Variants in PLCZ1 observed in about 807,000 individuals in gnomAD.
PLCZ1 encodes 1-phosphatidylinositol 4,5-bisphosphate phosphodiesterase zeta-1.
In PLCZ1, 64 loss-of-function variants were observed where a neutral mutation model predicts 76.8. The ratio of observed to expected loss-of-function variants is 0.83; its 90% CI spans 0.68 to 1.03. PLCZ1 has a LOEUF of 1.03. Among genes scored for constraint, PLCZ1 ranks in the 50% least tolerant of loss-of-function variants. The pLI is 0.00. For missense variants in PLCZ1, 751 were observed against 713.7 expected, an observed-to-expected ratio of 1.05 and a Z score of -0.60; for synonymous variants, 248 against 230.8, an observed-to-expected ratio of 1.07 and a Z score of -0.68.
intron 12 of PLCZ1, chr12:18,693,168 C>G (rs1954391159): frequency 6.5e-6 from 10 of 1,548,874 alleles, no homozygotes; most frequent in Non-Finnish European, 8.9e-6. Context: ...GGGCTCAGAA[C>G]ACTACATCAG....
At chr12:18,718,059 T>C (rs557894388) in intron 5 of PLCZ1, among the ~76,000 whole-genome samples, 1 of 152,118 alleles carries the variant, frequency 6.6e-6, no homozygotes, top group Non-Finnish European at 1.5e-5. Flanking sequence ...GGGGGTGCTT[T>C]GGGAGTGAGG....
chr12:18,669,563 T>C, the PLCZ1 span, among the ~76,000 whole-genome samples: 2 of 152,174 alleles, frequency 1.3e-5, no homozygotes, highest in Admixed American at 1.3e-4. Flanking sequence ...ATCCAGCAGA[T>C]TCAGTTGTTG....
rs774641368 is a variant in PLCZ1, at chr12:18,723,409, C to G, written c.269G>C (p.Ser90Thr). The stretch of plus-strand genomic sequence containing the variant: ...TTGTGTCAGAAATTGAGCCAGATTA[C>G]TTGCTAAAAGAATTTTCCGGTTTTC... Reference protein sequence around the residue: ...YSENRKILLASNLAQFLTQEQ... With the variant: ...YSENRKILLATNLAQFLTQEQ... Residue 90 changes from serine to threonine, a missense_variant, in exon 4 of 15, where the codon AGT becomes ACT. Ser to Thr is a moderately conservative substitution (Grantham distance 58). Transcript: ENST00000266505. The G allele has an allele frequency of 6.2e-7, 1 of 1,613,020 alleles. No individual in the cohort carries two copies. Among genetic ancestry groups the G allele is most frequent in the Non-Finnish European group, 8.5e-7 (1 of 1,179,462 alleles).
At chr12:18,699,277 G>A (rs1029451971) in intron 10 of PLCZ1, among the ~76,000 whole-genome samples, 7 of 152,098 alleles carry the variant, frequency 4.6e-5, no homozygotes, top group Non-Finnish European at 8.8e-5. Flanking sequence ...CCTCTTCAAT[G>A]CCTATTAAAT....
chr12:18,737,316 T>C, intron 2 of PLCZ1, 45 bp downstream of exon 2: 3 of 1,582,270 alleles, frequency 1.9e-6, no homozygotes, highest in Non-Finnish European at 2.6e-6. Context: ...AGAGGATAAG[T>C]AGGAGAAAGA....
chr12:18,735,955 G>A (rs1959216507), intron 3 of PLCZ1: 1 of 327,506 alleles, frequency 3.1e-6, no homozygotes, highest in Non-Finnish European at 5.7e-6. Flanking sequence ...TTATCAGTCT[G>A]ATATAATTAG....
At chr12:18,680,613 T>C (rs1952323311), downstream of PLCZ1, among the ~76,000 whole-genome samples, 1 of 151,942 alleles carries the variant, frequency 6.6e-6, no homozygotes, top group Non-Finnish European at 1.5e-5. Context: ...ATTAACAACA[T>C]AATTAAACTT....
At chr12:18,704,728 TA>T (rs1471547276) in intron 7 of PLCZ1, among the ~76,000 whole-genome samples, 1 of 152,102 alleles carries the variant, frequency 6.6e-6, no homozygotes, top group Non-Finnish European at 1.5e-5. Flanking sequence ...ATGCTCAAAT[TA>T]AGACGGAAAG....
At chr12:18,737,563 G>A (rs1383385090) in intron 1 of PLCZ1, 54 bp from the exon 2 acceptor site, 2 of 739,530 alleles carry the variant, frequency 2.7e-6, no homozygotes, top group Non-Finnish European at 4.8e-6. Context: ...GTTCTTTGAA[G>A]CTAGCTCACA....
downstream of PLCZ1, among the ~76,000 whole-genome samples, chr12:18,680,635 A>G (rs1952325059): frequency 6.6e-6 from 1 of 152,082 alleles, no homozygotes; most frequent in African/African-American, 2.4e-5. Context: ...TCTGTAACAC[A>G]TGTAAGTACA....
intron 6 of PLCZ1, among the ~76,000 whole-genome samples, chr12:18,706,180 C>T (rs764076088): frequency 7.3e-5 from 11 of 151,030 alleles, no homozygotes; most frequent in South Asian, 2.1e-4. Context: ...TGCAGTGAGC[C>T]GAGATTGCAC....
downstream of PLCZ1, among the ~76,000 whole-genome samples, chr12:18,678,327 T>C (rs1199279579): frequency 6.6e-6 from 1 of 152,116 alleles, no homozygotes; most frequent in East Asian, 1.9e-4. Context: ...TATTTTTCTT[T>C]TCAGGATTTG....
chr12:18,654,311 A>AG, the PLCZ1 span, among the ~76,000 whole-genome samples: 23 of 149,264 alleles, frequency 1.5e-4, no homozygotes, highest in Non-Finnish European at 2.8e-4. Flanking sequence ...AAAAAAAAAA[A>AG]TCTATCAGAT....
At chr12:18,650,052 A>C in the PLCZ1 span, among the ~76,000 whole-genome samples, 1 of 152,008 alleles carries the variant, frequency 6.6e-6, no homozygotes, top group Non-Finnish European at 1.5e-5. Context: ...TCCCAGTTTT[A>C]TAACTCCAGC....
chr12:18,696,097 T>G (rs1469051402), intron 11 of PLCZ1, 53 bp downstream of exon 11: 1 of 996,516 alleles, frequency 1.0e-6, no homozygotes, highest in African/African-American at 1.7e-5. Flanking sequence ...ATTCATAAAA[T>G]GAATTCATTT....
chr12:18,656,346 G>A, the PLCZ1 span, among the ~76,000 whole-genome samples: 2 of 152,158 alleles, frequency 1.3e-5, no homozygotes, highest in Non-Finnish European at 2.9e-5. Context: ...AGGAGGCTGA[G>A]GCGGGTGGAT....
At chr12:18,705,444 T>G (rs1956479208) in intron 6 of PLCZ1, 129 bp from the exon 7 acceptor site, 1 of 1,103,368 alleles carries the variant, frequency 9.1e-7, no homozygotes, top group African/African-American at 1.6e-5. Context: ...ATAACTATTC[T>G]TTAAACTGAA....
chr12:18,687,877 A>G (rs1953400041), intron 13 of PLCZ1, among the ~76,000 whole-genome samples: 1 of 152,206 alleles, frequency 6.6e-6, no homozygotes, highest in Admixed American at 6.5e-5. Context: ...GGTCAGGTAC[A>G]TTTCTGTATT....
At chr12:18,682,114 CTT>C (rs1175045020), downstream of PLCZ1, among the ~76,000 whole-genome samples, 1 of 152,008 alleles carries the variant, frequency 6.6e-6, no homozygotes, top group Non-Finnish European at 1.5e-5. Context: ...TCCAACAGCC[CTT>C]GAGGTGGAAA....
Sources: gnomAD v4.1 joint callset for allele counts (sites outside exome capture counted in the v4.1 genomes callset) on GRCh38, gnomAD v4.1.1 for gene constraint, MANE v1.5 for transcripts, NCBI Gene and HGNC (gene_info 2026-07-23, HGNC 2026-07-21) for gene names.